Variants in STX17 observed in about 807,000 individuals in gnomAD.
STX17 encodes the protein syntaxin 17.
STX17 carries 29 observed loss-of-function variants against 35.9 expected under a neutral mutation model. The ratio of observed to expected loss-of-function variants is 0.81; its 90% CI spans 0.60 to 1.10. The LOEUF (loss-of-function observed/expected upper bound fraction) is 1.10. Among genes scored for constraint, STX17 ranks in the 50% least tolerant of loss-of-function variants. The pLI is 0.00. For missense variants in STX17, 312 were observed against 352.3 expected, an observed-to-expected ratio of 0.89 and a Z score of 0.92; for synonymous variants, 92 against 118.3, an observed-to-expected ratio of 0.78 and a Z score of 1.44.
Position 99,969,655 on chromosome 9 carries a change from T to G in STX17, c.*982T>G, listed in dbSNP as rs1240065052. ...ACATTTCCTGGGGCATGTTCCAGTT[T>G]TGAGGGGTGATATATCTGCCAGATA... On this transcript the variant is annotated 3_prime_UTR_variant, in exon 8 of 8. Transcript: ENST00000259400. 1 of 151,924 alleles carries G rather than the reference T, an allele frequency of 6.6e-6. No individual in the cohort carries two copies. The highest frequency in any genetic ancestry group is 2.1e-4 in the South Asian group (1 of 4,740). The allele number at this position is 151,924 out of a possible 1,614,324, so 9.4% of individuals were successfully genotyped here.
At chr9:99,931,719 C>T (rs1214839939) in intron 3 of STX17, among the ~76,000 whole-genome samples, 1 of 152,104 alleles carries the variant, frequency 6.6e-6, no homozygotes, top group Non-Finnish European at 1.5e-5. Flanking sequence ...GATGTTGGAA[C>T]TCTTGGGTTG....
rs1289252102 is a variant in STX17, at chr9:99,968,862, T to C, written c.*189T>C. The C allele has an allele frequency of 3.7e-6, 3 of 816,782 alleles. No individual in the cohort carries two copies. The highest frequency in any genetic ancestry group is 3.2e-5 in the Admixed American group (1 of 31,112). 50.6% of individuals were successfully genotyped at this position (816,782 alleles called of 1,614,324 possible). ...GGGTGTTCATGGAGATGTTAAGAGA[T>C]TGAGGCCCTGGGCTGAGGGTATATA... is the stretch of plus-strand genomic sequence containing the variant. On this transcript the variant is annotated 3_prime_UTR_variant, in exon 8 of 8. Coordinates refer to ENST00000259400, the MANE Select transcript of STX17 (RefSeq NM_017919.3).
chr9:99,971,334 G>A lies in STX17; in HGVS notation c.*2661G>A, dbSNP rs368005658. ...AATCTGAGAATTTCTCTGTAGAGCA[G>A]AGACTTTCAAACCTTTTGGCTGTAA... is the stretch of plus-strand genomic sequence containing the variant. On this transcript the variant is annotated 3_prime_UTR_variant, in exon 8 of 8. Transcript: ENST00000259400. Among the ~76,000 whole-genome samples, 184 of 150,776 alleles carry A rather than the reference G, an allele frequency of 1.2e-3. No individual in the cohort carries two copies. The highest frequency in any genetic ancestry group is 4.3e-3 in the African/African-American group (177 of 41,144).
At chr9:99,915,972 TG>T in intron 2 of STX17, 1 of 450,882 alleles carries the variant, frequency 2.2e-6, no homozygotes, top group Non-Finnish European at 4.4e-6. Flanking sequence ...CTAATGTACC[TG>T]CCTTAATTTC....
intron 2 of STX17, among the ~76,000 whole-genome samples, chr9:99,921,561 G>C (rs1388117728): frequency 6.6e-6 from 1 of 150,758 alleles, no homozygotes; most frequent in African/African-American, 2.4e-5. Context: ...GAAAGGGCCA[G>C]AGCACACTGG....
chr9:99,924,043 T>A (rs564149205), intron 2 of STX17, among the ~76,000 whole-genome samples: 18 of 152,304 alleles, frequency 1.2e-4, no homozygotes, highest in African/African-American at 3.9e-4. Context: ...GACAACCATG[T>A]CAAAATGTGA....
intron 3 of STX17, 43 bp downstream of exon 3, chr9:99,928,886 A>G (rs767585960): frequency 1.9e-6 from 3 of 1,581,112 alleles, no homozygotes; most frequent in South Asian, 1.1e-5. Context: ...TATGAAAAAG[A>G]CAGTCTTAAG....
intron 6 of STX17, among the ~76,000 whole-genome samples, chr9:99,964,416 T>C (rs1376852785): frequency 6.6e-6 from 1 of 152,202 alleles, no homozygotes; most frequent in Non-Finnish European, 1.5e-5. Context: ...GAATTTTCTT[T>C]TTCTGTAAAA....
At chr9:99,965,019 C>T (rs1215805043) in intron 6 of STX17, among the ~76,000 whole-genome samples, 2 of 152,176 alleles carry the variant, frequency 1.3e-5, no homozygotes, top group African/African-American at 4.8e-5. Context: ...GGCTGTCTGC[C>T]CTCTGCCTTA....
At position 99,972,700 on chromosome 9, in the gene STX17, A is replaced by C. The variant is rs1207303715; in HGVS notation, c.*4027A>C. 6.6e-6 allele frequency among the ~76,000 whole-genome samples: 1 copy of C among 152,248 alleles called. No individual in the cohort carries two copies. The highest frequency in any genetic ancestry group is 1.5e-5 in the Non-Finnish European group (1 of 68,050). ...GAAACCTGTAATATAGCTAGATAATATACAACGTTTGTCTTCCATCAGAGT... is the reference window on the plus strand; with the variant it reads ...GAAACCTGTAATATAGCTAGATAATCTACAACGTTTGTCTTCCATCAGAGT... On this transcript the variant is annotated 3_prime_UTR_variant, in exon 8 of 8. Coordinates refer to ENST00000259400, the MANE Select transcript of STX17 (RefSeq NM_017919.3).
chr9:99,957,461 A>G (rs1346430435), intron 4 of STX17, among the ~76,000 whole-genome samples: 3 of 152,168 alleles, frequency 2.0e-5, no homozygotes, highest in African/African-American at 7.2e-5. Flanking sequence ...CCCTAACACA[A>G]TACTCAGTGG....
intron 1 of STX17, among the ~76,000 whole-genome samples, chr9:99,912,645 T>C (rs1828688222): frequency 6.6e-6 from 1 of 152,194 alleles, no homozygotes; most frequent in South Asian, 2.1e-4. Flanking sequence ...AATTACACTG[T>C]AGTTTATAAT....
chr9:99,927,455 A>G (rs1829010152), intron 2 of STX17, among the ~76,000 whole-genome samples: 1 of 151,952 alleles, frequency 6.6e-6, no homozygotes, highest in Non-Finnish European at 1.5e-5. Flanking sequence ...ATATGGTCTA[A>G]TTTTTTAAAA....
chr9:99,944,376 C>A (rs543655757), intron 3 of STX17, among the ~76,000 whole-genome samples: 2 of 151,868 alleles, frequency 1.3e-5, no homozygotes, highest in South Asian at 4.2e-4. Flanking sequence ...TAGTTTCTTG[C>A]AATGGATTTT....
Position 99,967,637 on chromosome 9 carries a change from A to G in STX17, c.583-16A>G, listed in dbSNP as rs1287508019. On this transcript the variant is annotated splice_polypyrimidine_tract_variant and intron_variant, in intron 6 of 7. Transcript: ENST00000259400. ...TCCCCAGCAGGACCGCTCACTCATA[A>G]TTCCTTTGCATCTAGTCTCAGCAGG... 1 of 1,607,828 alleles carries G rather than the reference A, an allele frequency of 6.2e-7. No homozygotes were observed. The highest frequency in any genetic ancestry group is 2.2e-5 in the East Asian group (1 of 44,862).
intron 1 of STX17, among the ~76,000 whole-genome samples, chr9:99,911,700 T>C (rs10988920): frequency 0.7 from 105,524 of 151,792 alleles, 36,978 homozygotes; most frequent in African/African-American, 0.74. Flanking sequence ...CTTCCCACCT[T>C]GGTGTCACTG....
intron 6 of STX17, among the ~76,000 whole-genome samples, chr9:99,964,427 G>A (rs1174678930): frequency 6.6e-6 from 1 of 152,110 alleles, no homozygotes; most frequent in East Asian, 1.9e-4. Context: ...TTCTGTAAAA[G>A]GAGGTCAGTA....
intron 3 of STX17, among the ~76,000 whole-genome samples, chr9:99,939,909 C>T (rs764514486): frequency 4.6e-5 from 7 of 152,200 alleles, no homozygotes; most frequent in Non-Finnish European, 1.0e-4. Flanking sequence ...CCTGAACTTT[C>T]TTTCTTGTTC....
chr9:99,952,301 A>C (rs973069068), intron 4 of STX17, among the ~76,000 whole-genome samples: 2 of 152,212 alleles, frequency 1.3e-5, no homozygotes, highest in African/African-American at 4.8e-5. Flanking sequence ...ACTGGCCATC[A>C]GAGAAATGCA....
Sources: gnomAD v4.1 joint callset for allele counts (sites outside exome capture counted in the v4.1 genomes callset) on GRCh38, gnomAD v4.1.1 for gene constraint, MANE v1.5 for transcripts, NCBI Gene and HGNC (gene_info 2026-07-23, HGNC 2026-07-21) for gene names.